Variants in RBFOX3 observed in about 807,000 individuals in gnomAD.
The protein encoded by RBFOX3 is RNA binding fox-1 homolog 3, also known as RNA binding protein fox-1 homolog 3.
In RBFOX3, 17 loss-of-function variants were observed where a neutral mutation model predicts 48.7. The ratio of observed to expected loss-of-function variants is 0.35; its 90% CI spans 0.24 to 0.52. The LOEUF (loss-of-function observed/expected upper bound fraction) is 0.52. Among genes scored for constraint, RBFOX3 ranks in the 20% least tolerant of loss-of-function variants. The pLI, the probability that RBFOX3 is intolerant of heterozygous loss-of-function variation, is 0.94. For synonymous variants in RBFOX3, 212 were observed against 209.5 expected (o/e 1.01, Z -0.10); for missense variants, 382 against 497.5 (o/e 0.77, Z 2.21).
At chr17:79,135,740 G>A (rs1001903388) in intron 4 of RBFOX3, among the ~76,000 whole-genome samples, 16 of 152,182 alleles carry the variant, frequency 1.1e-4, no homozygotes, top group African/African-American at 3.9e-4. Context: ...ATCCACAAGC[G>A]GCCTGGCATC....
chr17:79,178,255 T>G (rs1388010418), intron 4 of RBFOX3, among the ~76,000 whole-genome samples: 1 of 152,208 alleles, frequency 6.6e-6, no homozygotes, highest in African/African-American at 2.4e-5. Flanking sequence ...CCCTTCCGCT[T>G]TTCTGAACCC....
chr17:79,631,356 G>T, the RBFOX3 span, among the ~76,000 whole-genome samples: 1 of 152,100 alleles, frequency 6.6e-6, no homozygotes, highest in Admixed American at 6.5e-5. Context: ...GTGATTCCAG[G>T]AAGAAAGTCG....
intron 1 of RBFOX3, among the ~76,000 whole-genome samples, chr17:79,553,874 A>T (rs1249604701): frequency 6.6e-6 from 1 of 152,100 alleles, no homozygotes; most frequent in Non-Finnish European, 1.5e-5. Flanking sequence ...CTGGGATTAT[A>T]GGCACCCACC....
intron 4 of RBFOX3, among the ~76,000 whole-genome samples, chr17:79,177,211 C>CG (rs1052858672): frequency 5.3e-5 from 8 of 151,948 alleles, no homozygotes; most frequent in South Asian, 2.1e-4. Context: ...TCCTCCTCTC[C>CG]CCCCCCGCCC....
At chr17:79,565,960 G>T (rs1466946043) in intron 1 of RBFOX3, among the ~76,000 whole-genome samples, 1 of 152,140 alleles carries the variant, frequency 6.6e-6, no homozygotes, top group Non-Finnish European at 1.5e-5. Flanking sequence ...AGTATTTTGG[G>T]TTCTACTAAA....
intron 2 of RBFOX3, among the ~76,000 whole-genome samples, chr17:79,347,545 C>CT (rs2083116379): frequency 6.6e-6 from 1 of 151,996 alleles, no homozygotes; most frequent in African/African-American, 2.4e-5. Context: ...TTTCTATTTT[C>CT]TTTTTCTTTG....
At chr17:79,357,985 C>T (rs2085538760) in intron 2 of RBFOX3, among the ~76,000 whole-genome samples, 1 of 151,730 alleles carries the variant, frequency 6.6e-6, no homozygotes, top group African/African-American at 2.4e-5. Context: ...CAGCATCTTG[C>T]TCTGTCACTG....
chr17:79,367,381 C>G (rs2057936008), intron 2 of RBFOX3, among the ~76,000 whole-genome samples: 1 of 151,000 alleles, frequency 6.6e-6, no homozygotes, highest in Admixed American at 6.6e-5. Flanking sequence ...ATCCTCCCCT[C>G]CAGTCCTCCT....
intron 2 of RBFOX3, among the ~76,000 whole-genome samples, chr17:79,329,691 G>A (rs912913158): frequency 5.9e-5 from 9 of 152,232 alleles, no homozygotes; most frequent in African/African-American, 2.2e-4. Flanking sequence ...CTAATGGCCA[G>A]CCCCGGTGCA....
At chr17:79,658,372 G>A in the RBFOX3 span, among the ~76,000 whole-genome samples, 12 of 54,200 alleles carry the variant, frequency 2.2e-4, no homozygotes, top group Non-Finnish European at 3.1e-5. Flanking sequence ...CTCCCTCCCT[G>A]TCTCTTCCTC....
At chr17:79,280,383 T>C (rs2070106580) in intron 3 of RBFOX3, among the ~76,000 whole-genome samples, 1 of 152,084 alleles carries the variant, frequency 6.6e-6, no homozygotes, top group Non-Finnish European at 1.5e-5. Flanking sequence ...GGACTGTCTG[T>C]GTGAGATGGA....
At chr17:79,264,155 C>T (rs960915918) in intron 3 of RBFOX3, among the ~76,000 whole-genome samples, 30 of 150,314 alleles carry the variant, frequency 2.0e-4, no homozygotes, top group African/African-American at 5.9e-4. Context: ...TGCAGTGGTG[C>T]GATTTCAGCT....
At chr17:79,378,285 T>A (rs896892827) in intron 2 of RBFOX3, among the ~76,000 whole-genome samples, 5 of 151,494 alleles carry the variant, frequency 3.3e-5, no homozygotes, top group Non-Finnish European at 2.9e-5. Flanking sequence ...CCTAGAAGAG[T>A]CCAAGAGGGG....
intron 4 of RBFOX3, among the ~76,000 whole-genome samples, chr17:79,177,534 C>A (rs904111221): frequency 6.6e-6 from 1 of 152,310 alleles, no homozygotes; most frequent in Admixed American, 6.5e-5. Flanking sequence ...CCCCCCTCTG[C>A]GAGCCCAACC....
In RBFOX3 at chr17:79,252,412, C is replaced by T. The variant is rs538213322; in HGVS notation, c.-73-16607G>A. On this transcript the variant is annotated intron_variant, in intron 3 of 14. Coordinates refer to ENST00000693108, the MANE Select transcript of RBFOX3 (RefSeq NM_001350451.2). The surrounding 1 kb of genome is among the most constrained non-coding windows in gnomAD (Gnocchi z 4.0). ...TTCAGTGAATGGATCTATCACCCGTCCAAGTGAGCAAGTCAGCTGGGGTCC... is the reference window on the plus strand; with the variant it reads ...TTCAGTGAATGGATCTATCACCCGTTCAAGTGAGCAAGTCAGCTGGGGTCC... Among the ~76,000 whole-genome samples the T allele has an allele frequency of 5.3e-5, 8 of 152,304 alleles. No homozygotes were observed. Among genetic ancestry groups the T allele is most frequent in the South Asian group, 2.1e-4 (1 of 4,832 alleles).
intron 5 of RBFOX3, among the ~76,000 whole-genome samples, chr17:79,114,670 T>C (rs1860624411): frequency 6.6e-6 from 1 of 152,200 alleles, no homozygotes; most frequent in Admixed American, 6.5e-5. Flanking sequence ...TCTGGCCTCC[T>C]GCCCAGCCCC....
chr17:79,150,818 C>T (rs947817683), intron 4 of RBFOX3, among the ~76,000 whole-genome samples: 2 of 152,188 alleles, frequency 1.3e-5, no homozygotes, highest in East Asian at 3.9e-4. Flanking sequence ...TCTGACTGGC[C>T]ATGGGGCCTC....
intron 2 of RBFOX3, among the ~76,000 whole-genome samples, chr17:79,469,303 C>T (rs1221390322): frequency 6.6e-6 from 1 of 152,210 alleles, no homozygotes; most frequent in Non-Finnish European, 1.5e-5. Context: ...TGGGCGGGCT[C>T]AAGTCCAGGT....
At chr17:79,253,594 A>G (rs1336300109) in intron 3 of RBFOX3, among the ~76,000 whole-genome samples, 2 of 152,210 alleles carry the variant, frequency 1.3e-5, no homozygotes, top group Admixed American at 1.3e-4. Flanking sequence ...CCAGTGAGCA[A>G]CAGCCCTGAG....
Sources: allele counts gnomAD v4.1 joint callset (sites outside exome capture counted in the v4.1 genomes callset), GRCh38; gene constraint gnomAD v4.1.1; non-coding constraint Gnocchi (gnomAD v3.1); transcripts MANE v1.5; gene names NCBI Gene and HGNC (gene_info 2026-07-23, HGNC 2026-07-21).